CCDC169: variants seen among roughly 807,000 people sequenced by gnomAD.
CCDC169 encodes coiled-coil domain-containing protein 169.
In CCDC169, 30 loss-of-function variants were observed where a neutral mutation model predicts 36.0. That is an observed-to-expected ratio of 0.83 (90% CI 0.62 to 1.13). The LOEUF is 1.13. Ranked by LOEUF, CCDC169 falls within the 50% of genes most tolerant of loss-of-function variation. The pLI is 0.00. For missense variants in CCDC169, 245 were observed against 245.9 expected (o/e 1.00, Z 0.03); for synonymous variants, 85 against 81.5 (o/e 1.04, Z -0.23).
intron 2 of CCDC169, among the ~76,000 whole-genome samples, chr13:36,290,102 T>C (rs1566091767): frequency 6.6e-6 from 1 of 152,142 alleles, no homozygotes; most frequent in Non-Finnish European, 1.5e-5. Context: ...TGGGTACACA[T>C]ATCTCATCTA....
intron 4 of CCDC169, among the ~76,000 whole-genome samples, chr13:36,261,217 A>G (rs569774110): frequency 2.0e-5 from 3 of 152,326 alleles, no homozygotes; most frequent in South Asian, 4.1e-4. Flanking sequence ...CATGAACAGT[A>G]ACCACAGTGG....
chr13:36,238,358 CTG>C (rs1327674802), intron 7 of CCDC169, among the ~76,000 whole-genome samples: 1 of 152,158 alleles, frequency 6.6e-6, no homozygotes, highest in Non-Finnish European at 1.5e-5. Flanking sequence ...CCTTCAACTC[CTG>C]GGCTCAAGTG....
At chr13:36,260,852 C>T (rs1009378998) in intron 4 of CCDC169, among the ~76,000 whole-genome samples, 6 of 152,152 alleles carry the variant, frequency 3.9e-5, no homozygotes, top group African/African-American at 1.2e-4. Flanking sequence ...GAGCCTCCTA[C>T]CCCCATCTGT....
intron 7 of CCDC169, chr13:36,240,578 A>G: frequency 2.4e-6 from 3 of 1,250,610 alleles, no homozygotes; most frequent in Non-Finnish European, 3.1e-6. Flanking sequence ...ACCAAGTCCT[A>G]GTATCAATTT....
Position 36,253,794 on chromosome 13 carries a change from A to G in CCDC169, c.468+9T>C. 1 of 1,543,876 alleles carries G rather than the reference A, an allele frequency of 6.5e-7. No homozygotes were observed. Among genetic ancestry groups the G allele is most frequent in the Non-Finnish European group, 8.7e-7 (1 of 1,145,202 alleles). On this transcript the variant is annotated intron_variant, in intron 6 of 7. Coordinates refer to ENST00000239859, the MANE Select transcript of CCDC169 (RefSeq NM_001144981.3). ...AAACACTTAGAATTTGGAAATAAAA[A>G]AGAGTTACCTGAGACATTTCAGCTA...
Position 36,264,574 on chromosome 13 carries a change from G to T in CCDC169, c.316-10431C>A, listed in dbSNP as rs370415471. On this transcript the variant is annotated intron_variant, in intron 4 of 7. Transcript: ENST00000239859. ...AGGGACTTAGGAATATTAGTCAAGT[G>T]GCAGTCTCTCTGACAGAGGATGTTT... Among the ~76,000 whole-genome samples, 3 of 152,278 alleles carry T rather than the reference G, an allele frequency of 2.0e-5. No homozygotes were observed. The South Asian group carries it at 6.2e-4, about 32-fold the overall frequency.
intron 4 of CCDC169, among the ~76,000 whole-genome samples, chr13:36,258,936 C>T (rs997510025): frequency 6.6e-6 from 1 of 152,142 alleles, no homozygotes; most frequent in Non-Finnish European, 1.5e-5. Flanking sequence ...GTGTGACTGG[C>T]CATGTCATCT....
chr13:36,233,474 G>T (rs112673451), intron 7 of CCDC169, among the ~76,000 whole-genome samples: 180 of 152,228 alleles, frequency 1.2e-3, no homozygotes, highest in South Asian at 3.7e-3. Flanking sequence ...CACTTTCCCT[G>T]AGGAAGTCCA....
chr13:36,249,480 A>G lies in CCDC169; in HGVS notation c.469-798T>C, dbSNP rs140756171. On this transcript the variant is annotated intron_variant, in intron 6 of 7. Transcript: ENST00000239859. Reference sequence around the variant, plus strand: ...TGCTGTATTTGGCTATTAAGAGATAAACTAGGCGAAAGCATGATGGCGGGG... The same window carrying G: ...TGCTGTATTTGGCTATTAAGAGATAGACTAGGCGAAAGCATGATGGCGGGG... Among the ~76,000 whole-genome samples, 18 of 152,270 alleles carry G rather than the reference A, an allele frequency of 1.2e-4. No individual in the cohort carries two copies. In the East Asian group the frequency reaches 3.5e-3, roughly 29 times the overall value.
At chr13:36,257,712 A>G (rs1874091787) in intron 4 of CCDC169, among the ~76,000 whole-genome samples, 1 of 151,766 alleles carries the variant, frequency 6.6e-6, no homozygotes, top group African/African-American at 2.4e-5. Context: ...AAAAAAAAGA[A>G]AAAAAGAAAA....
In CCDC169 at chr13:36,254,040, C is replaced by A. The variant is rs906142766; in HGVS notation, c.414+5G>T. On this transcript the variant is annotated splice_donor_5th_base_variant and intron_variant, in intron 5 of 7. Transcript: ENST00000239859. ...GGAATTGCTAAGTATAGAGTAAAAA[C>A]AAACCTTTGATTCTTGTTCCAGTTT... The A allele has an allele frequency of 1.3e-6, 2 of 1,542,828 alleles. No individual in the cohort carries two copies. Among genetic ancestry groups the A allele is most frequent in the African/African-American group, 2.8e-5 (2 of 72,486 alleles).
intron 2 of CCDC169, among the ~76,000 whole-genome samples, chr13:36,288,511 T>C (rs1878512873): frequency 6.6e-6 from 1 of 152,196 alleles, no homozygotes; most frequent in Non-Finnish European, 1.5e-5. Context: ...AGATAATAAT[T>C]TGATTTCTGG....
chr13:36,269,552 G>A (rs1414424017), intron 4 of CCDC169, among the ~76,000 whole-genome samples: 3 of 152,168 alleles, frequency 2.0e-5, no homozygotes, highest in Non-Finnish European at 4.4e-5. Context: ...GAATCCAACA[G>A]CACATCAAAA....
chr13:36,249,424 C>A (rs1286982315), intron 6 of CCDC169, among the ~76,000 whole-genome samples: 2 of 152,136 alleles, frequency 1.3e-5, no homozygotes, highest in African/African-American at 4.8e-5. Context: ...TAAAATGCCT[C>A]ACAGATGCTT....
Position 36,248,647 on chromosome 13 carries a change from C to CTGT in CCDC169, c.501_503dup (p.Gln168dup), listed in dbSNP as rs1470330684. On this transcript the variant is annotated inframe_insertion, in exon 7 of 8. Coordinates refer to ENST00000239859, the MANE Select transcript of CCDC169 (RefSeq NM_001144981.3). ...CTTGCATCCTAGGCAGTTGATCCAC[C>CTGT]TGTTGCCTTTTAGAAACTTGATGTA... 1 of 1,550,478 alleles carries CTGT rather than the reference C, an allele frequency of 6.4e-7. No individual in the cohort carries two copies. The highest frequency in any genetic ancestry group is 2.4e-5 in the East Asian group (1 of 40,874).
At chr13:36,269,826 C>T (rs958111775) in intron 4 of CCDC169, among the ~76,000 whole-genome samples, 7 of 152,078 alleles carry the variant, frequency 4.6e-5, no homozygotes, top group East Asian at 1.9e-4. Context: ...TCATACTGAA[C>T]GGGGAGAAGT....
chr13:36,232,200 T>C (rs1232939602), intron 7 of CCDC169, among the ~76,000 whole-genome samples: 1 of 152,128 alleles, frequency 6.6e-6, no homozygotes, highest in Non-Finnish European at 1.5e-5. Flanking sequence ...CAGCGCACAA[T>C]TGCAGTGAAA....
chr13:36,248,518 C>T lies in CCDC169; in HGVS notation c.545+88G>A, dbSNP rs1461554062. On this transcript the variant is annotated intron_variant, in intron 7 of 7. Transcript: ENST00000239859. The stretch of plus-strand genomic sequence containing the variant: ...GTTGCTATAAAACCTAGAAGTTCAG[C>T]TTCCAAAATATAGTGGACACCTGTT... The T allele has an allele frequency of 3.2e-6, 4 of 1,268,580 alleles. No homozygotes were observed. In the Admixed American group the frequency reaches 9.5e-5, roughly 30 times the overall value. 78.6% of individuals were successfully genotyped at this position (1,268,580 alleles called of 1,614,324 possible).
At position 36,271,378 on chromosome 13, in the gene CCDC169, C is replaced by T. The variant is rs149153829; in HGVS notation, c.315+12091G>A. Among the ~76,000 whole-genome samples, 540 of 152,216 alleles carry T rather than the reference C, an allele frequency of 3.5e-3. 5 individuals carry two copies. Among genetic ancestry groups the T allele is most frequent in the African/African-American group, 0.012 (512 of 41,530 alleles). On this transcript the variant is annotated intron_variant, in intron 4 of 7. Coordinates refer to ENST00000239859, the MANE Select transcript of CCDC169 (RefSeq NM_001144981.3). ...CCTTAAACAGCTAAAAGTAGATCTA[C>T]CATGTGATCCAGCAATCACACTGCT... is the stretch of plus-strand genomic sequence containing the variant.
Sources: allele counts gnomAD v4.1 joint callset (sites outside exome capture counted in the v4.1 genomes callset), GRCh38; gene constraint gnomAD v4.1.1; transcripts MANE v1.5; gene names NCBI Gene and HGNC (gene_info 2026-07-23, HGNC 2026-07-21).